PLD5: variants seen among roughly 807,000 people sequenced by gnomAD.
PLD5 encodes the protein phospholipase D family member 5, also known as inactive phospholipase D5.
Under a neutral mutation model 61.1 loss-of-function variants are expected in PLD5, and 36 were observed. The ratio of observed to expected loss-of-function variants is 0.59; its 90% confidence interval spans 0.45 to 0.78. The LOEUF (loss-of-function observed/expected upper bound fraction) is 0.78. Ranked by LOEUF, PLD5 falls within the 30% of genes least tolerant of loss-of-function variation. The pLI, the probability that PLD5 is intolerant of heterozygous loss-of-function variation, is 0.00. For synonymous variants in PLD5, 243 were observed against 242.8 expected, an observed-to-expected ratio of 1.00 and a Z score of -0.01; for missense variants, 515 against 644.4, an observed-to-expected ratio of 0.80 and a Z score of 2.17.
At chr1:242,095,235 T>C (rs1047101797) in intron 9 of PLD5, among the ~76,000 whole-genome samples, 1 of 151,614 alleles carries the variant, frequency 6.6e-6, no homozygotes, top group South Asian at 2.1e-4. Context: ...GCGTCCGGCA[T>C]ATTTATTTAT....
Position 242,377,886 on chromosome 1 carries a change from G to A in PLD5, c.190-29644C>T, listed in dbSNP as rs557255275. Reference sequence around the variant, plus strand: ...AAATAACAAATATTAGTAAGGAGGTGGAGAAATCGGAACCCTATACATTGT... The same window carrying A: ...AAATAACAAATATTAGTAAGGAGGTAGAGAAATCGGAACCCTATACATTGT... On this transcript the variant is annotated intron_variant, in intron 1 of 9. Coordinates refer to ENST00000536534, the MANE Select transcript of PLD5 (RefSeq NM_001372062.1). Among the ~76,000 whole-genome samples the A allele has an allele frequency of 2.0e-5, 3 of 152,240 alleles. No homozygotes were observed. The East Asian group carries it at 5.8e-4, about 29-fold the overall frequency.
At chr1:242,322,611 T>C (rs1040934888) in intron 2 of PLD5, among the ~76,000 whole-genome samples, 1 of 152,254 alleles carries the variant, frequency 6.6e-6, no homozygotes, top group Non-Finnish European at 1.5e-5. Context: ...GGGAGGTGAC[T>C]GGATCATGGG....
chr1:242,285,187 TTA>T (rs1245621251), intron 3 of PLD5, among the ~76,000 whole-genome samples: 1 of 152,194 alleles, frequency 6.6e-6, no homozygotes, highest in African/African-American at 2.4e-5. Flanking sequence ...CTTCTAAGTG[TTA>T]TCATCTTTCT....
chr1:242,190,648 G>A lies in PLD5; in HGVS notation c.735+29340C>T, dbSNP rs138140258. Among the ~76,000 whole-genome samples, 10 of 151,970 alleles carry A rather than the reference G, an allele frequency of 6.6e-5. No homozygotes were observed. In the East Asian group the frequency reaches 7.8e-4, roughly 12 times the overall value. ...TGTAACATCAGCACTTTGGGGGGCC[G>A]AGGTAGGGGGATCGCTTGAGCCCAG... is the stretch of plus-strand genomic sequence containing the variant. On this transcript the variant is annotated intron_variant, in intron 5 of 9. Coordinates refer to ENST00000536534, the MANE Select transcript of PLD5 (RefSeq NM_001372062.1).
intron 4 of PLD5, among the ~76,000 whole-genome samples, 184 bp from the exon 5 acceptor site, chr1:242,220,299 A>G (rs1282724926): frequency 7.1e-6 from 1 of 141,652 alleles, no homozygotes; most frequent in East Asian, 2.3e-4. Context: ...CCTAAAACAA[A>G]GAAAACTAAA....
rs747731587 is a variant in PLD5, at chr1:242,265,319, T to C, written c.607+18A>G. 6.2e-7 allele frequency: 1 copy of C among 1,600,398 alleles called. No individual in the cohort carries two copies. Among genetic ancestry groups the C allele is most frequent in the Admixed American group, 1.8e-5 (1 of 56,132 alleles). ...CAGAACACCCAGCGGTAGAATAGCA[T>C]ATCAACCTTGGTCTTACCCTTTAAT... On this transcript the variant is annotated intron_variant, in intron 4 of 9. Transcript: ENST00000536534.
chr1:242,328,134 T>G (rs1349366032), intron 2 of PLD5, among the ~76,000 whole-genome samples: 1 of 152,114 alleles, frequency 6.6e-6, no homozygotes, highest in East Asian at 1.9e-4. Flanking sequence ...TGTAACTAAA[T>G]AGTCAATCAT....
chr1:242,089,599 T>G lies in PLD5; in HGVS notation c.*255A>C, dbSNP rs895683983. ...GAGCAGGAATGAAAGTCTTAAAATT[T>G]GTATGCAAACGTAAAAACTAACTTC... On this transcript the variant is annotated 3_prime_UTR_variant, in exon 10 of 10. Transcript: ENST00000536534. 1 of 551,140 alleles carries G rather than the reference T, an allele frequency of 1.8e-6. No individual in the cohort carries two copies. The allele number at this position is 551,140 out of a possible 1,614,324, so 34.1% of individuals were successfully genotyped here.
intron 1 of PLD5, among the ~76,000 whole-genome samples, chr1:242,418,706 T>G (rs553066048): frequency 6.6e-6 from 1 of 152,250 alleles, no homozygotes; most frequent in African/African-American, 2.4e-5. Context: ...TGCACTCAAT[T>G]TATTCACACA....
intron 5 of PLD5, among the ~76,000 whole-genome samples, chr1:242,163,657 T>C (rs971998771): frequency 2.0e-5 from 3 of 152,198 alleles, no homozygotes; most frequent in Non-Finnish European, 2.9e-5. Flanking sequence ...TCTCCCAGCA[T>C]TTTCCCTGTC....
intron 5 of PLD5, among the ~76,000 whole-genome samples, chr1:242,193,063 C>A (rs1466413597): frequency 1.3e-5 from 2 of 152,188 alleles, no homozygotes; most frequent in Admixed American, 6.5e-5. Flanking sequence ...TGATCCCTAC[C>A]TCCTTTATCA....
At chr1:242,330,893 A>G (rs1390929324) in intron 2 of PLD5, among the ~76,000 whole-genome samples, 3 of 152,182 alleles carry the variant, frequency 2.0e-5, no homozygotes, top group Non-Finnish European at 4.4e-5. Context: ...ATAAACAAAG[A>G]AAAATTAAGT....
At chr1:242,107,968 A>C in intron 7 of PLD5, 129 bp from the exon 8 acceptor site, 3 of 843,514 alleles carry the variant, frequency 3.6e-6, no homozygotes, top group East Asian at 2.9e-5. Flanking sequence ...AAGCAACCTC[A>C]TCGGAGAGGC....
chr1:242,440,968 A>G (rs2102906576), intron 1 of PLD5, among the ~76,000 whole-genome samples: 1 of 152,350 alleles, frequency 6.6e-6, no homozygotes, highest in Non-Finnish European at 1.5e-5. Context: ...ATTCAGCATT[A>G]TTATAAATAG....
chr1:242,504,391 A>G (rs1169565308), intron 1 of PLD5, among the ~76,000 whole-genome samples: 1 of 152,250 alleles, frequency 6.6e-6, no homozygotes, highest in Non-Finnish European at 1.5e-5. Context: ...CCATTAGACT[A>G]CAACATGCAT....
chr1:242,167,381 G>A (rs1375331524), intron 5 of PLD5, among the ~76,000 whole-genome samples: 4 of 152,206 alleles, frequency 2.6e-5, no homozygotes, highest in Non-Finnish European at 4.4e-5. Context: ...GCAGCCAAGA[G>A]AGAGCATGTG....
At chr1:242,244,670 T>C (rs906474152) in intron 4 of PLD5, among the ~76,000 whole-genome samples, 3 of 152,204 alleles carry the variant, frequency 2.0e-5, no homozygotes, top group Non-Finnish European at 4.4e-5. Context: ...TTACGGAGAA[T>C]GCACTGCAAA....
chr1:242,511,739 C>T (rs1668916529), intron 1 of PLD5, among the ~76,000 whole-genome samples: 3 of 152,008 alleles, frequency 2.0e-5, no homozygotes, highest in Non-Finnish European at 4.4e-5. Context: ...CAACTAAATG[C>T]AATGTGGTAT....
intron 5 of PLD5, among the ~76,000 whole-genome samples, chr1:242,190,243 T>TCACGCCA (rs1268464419): frequency 6.9e-6 from 1 of 145,432 alleles, no homozygotes; most frequent in Non-Finnish European, 1.5e-5. Context: ...CCTCCTGGGT[T>TCACGCCA]CACGCCATTC....
Sources: allele counts gnomAD v4.1 joint callset (sites outside exome capture counted in the v4.1 genomes callset), GRCh38; gene constraint gnomAD v4.1.1; transcripts MANE v1.5; gene names NCBI Gene and HGNC (gene_info 2026-07-23, HGNC 2026-07-21).